The following DNAAF11 variants were observed in gnomAD, a reference collection of about 807,000 sequenced individuals.
DNAAF11 encodes dynein axonemal assembly factor 11.
DNAAF11 carries 45 observed loss-of-function variants against 60.8 expected under a neutral mutation model. That is an observed-to-expected ratio of 0.74 (90% confidence interval 0.58 to 0.95). The LOEUF (loss-of-function observed/expected upper bound fraction) is 0.95, where lower values mean the gene tolerates loss of function less well. Among genes scored for constraint, DNAAF11 ranks in the 40% least tolerant of loss-of-function variants. The probability of loss-of-function intolerance (pLI) is 0.00; values close to 1 mark genes in which losing one functional copy is unlikely to be tolerated. For missense variants in DNAAF11, 546 were observed against 546.2 expected (o/e 1.00, Z 0.00); for synonymous variants, 191 against 183.5 (o/e 1.04, Z -0.33).
At chr8:132,701,127 C>T in the DNAAF11 span, among the ~76,000 whole-genome samples, 1 of 152,102 alleles carries the variant, frequency 6.6e-6, no homozygotes, top group Non-Finnish European at 1.5e-5. Flanking sequence ...GCCTAATCAC[C>T]TTTTTTAAGG....
At chr8:132,610,373 G>A (rs951693223) in intron 9 of DNAAF11, 112 bp from the exon 10 acceptor site, 3 of 671,348 alleles carry the variant, frequency 4.5e-6, no homozygotes, top group Non-Finnish European at 7.9e-6. Flanking sequence ...ATTAAGAAAT[G>A]TGCTTAAGCT....
intron 1 of DNAAF11, among the ~76,000 whole-genome samples, chr8:132,667,001 A>G (rs938744588): frequency 6.6e-6 from 1 of 152,210 alleles, no homozygotes. Flanking sequence ...GCCATAGAAG[A>G]TTCTGTAAAT....
At chr8:132,665,194 A>C (rs1824512627) in intron 1 of DNAAF11, among the ~76,000 whole-genome samples, 1 of 152,176 alleles carries the variant, frequency 6.6e-6, no homozygotes, top group Admixed American at 6.5e-5. Flanking sequence ...GTTGTTACAC[A>C]GTGCTGCTTC....
chr8:132,577,205 A>G (rs1183385764), intron 11 of DNAAF11, among the ~76,000 whole-genome samples: 1 of 152,138 alleles, frequency 6.6e-6, no homozygotes, highest in African/African-American at 2.4e-5. Flanking sequence ...GGGTGCCAGT[A>G]TAAGGATTTG....
rs76543902 is a variant in DNAAF11, at chr8:132,583,438, T to C, written c.1226+256A>G. ...AAGCAAGCACTTGGTAAATGTTAGC[T>C]GTCATTGGTGTTGACATTACCAGTC... On this transcript the variant is annotated intron_variant, in intron 11 of 11. Coordinates refer to ENST00000620350, the MANE Select transcript of DNAAF11 (RefSeq NM_012472.6). Among the ~76,000 whole-genome samples, 2,691 of 152,276 alleles carry C rather than the reference T, an allele frequency of 0.018. 97 individuals carry two copies. Among genetic ancestry groups the C allele is most frequent in the African/African-American group, 0.061 (2,532 of 41,554 alleles).
chr8:132,658,260 C>A (rs1458980307), intron 2 of DNAAF11, among the ~76,000 whole-genome samples: 1 of 152,120 alleles, frequency 6.6e-6, no homozygotes, highest in Admixed American at 6.5e-5. Flanking sequence ...TCTAAGTAAT[C>A]CTAATGTTTG....
At chr8:132,686,326 G>T in the DNAAF11 span, among the ~76,000 whole-genome samples, 1 of 152,246 alleles carries the variant, frequency 6.6e-6, no homozygotes, top group East Asian at 1.9e-4. Context: ...GTGAGGCAGG[G>T]GAGCAGGGAG....
chr8:132,628,903 G>A (rs1820534797), intron 5 of DNAAF11, among the ~76,000 whole-genome samples: 1 of 152,118 alleles, frequency 6.6e-6, no homozygotes, highest in African/African-American at 2.4e-5. Flanking sequence ...TATTGTATGT[G>A]CCTATTACAT....
At chr8:132,589,964 T>C (rs998861001) in intron 10 of DNAAF11, among the ~76,000 whole-genome samples, 1 of 152,184 alleles carries the variant, frequency 6.6e-6, no homozygotes. Context: ...CATTAATAAA[T>C]GATTTTTACA....
chr8:132,681,590 G>GA, the DNAAF11 span, among the ~76,000 whole-genome samples: 1 of 152,032 alleles, frequency 6.6e-6, no homozygotes. Flanking sequence ...GAAAGCACTG[G>GA]AAAATTCCAG....
chr8:132,600,022 C>A (rs1333672573), intron 10 of DNAAF11, among the ~76,000 whole-genome samples: 2 of 152,150 alleles, frequency 1.3e-5, no homozygotes, highest in Non-Finnish European at 2.9e-5. Context: ...ATTTAGAAAA[C>A]CCCATCATCT....
the DNAAF11 span, among the ~76,000 whole-genome samples, chr8:132,693,278 G>A: frequency 6.6e-6 from 1 of 152,126 alleles, no homozygotes; most frequent in Non-Finnish European, 1.5e-5. Context: ...AAAAATGGAG[G>A]GAGAAAGCAT....
At chr8:132,600,094 T>C (rs1181575294) in intron 10 of DNAAF11, among the ~76,000 whole-genome samples, 1 of 152,192 alleles carries the variant, frequency 6.6e-6, no homozygotes, top group Non-Finnish European at 1.5e-5. Context: ...ACAAAATCAA[T>C]GTGCAAAAAT....
At chr8:132,647,947 C>T (rs1822573807) in intron 3 of DNAAF11, among the ~76,000 whole-genome samples, 1 of 152,148 alleles carries the variant, frequency 6.6e-6, no homozygotes, top group Non-Finnish European at 1.5e-5. Flanking sequence ...GGAGCTGGTA[C>T]CATTCCTTCT....
Position 132,661,484 on chromosome 8 carries a change from GAAGA to G in DNAAF11, c.150_153del (p.Leu51LysfsTer20). 1 of 1,612,776 alleles carries G rather than the reference GAAGA, an allele frequency of 6.2e-7. No individual in the cohort carries two copies. Among genetic ancestry groups the G allele is most frequent in the East Asian group, 2.2e-5 (1 of 44,868 alleles). On this transcript the variant is annotated frameshift_variant, in exon 2 of 12. Coordinates refer to ENST00000620350, the MANE Select transcript of DNAAF11 (RefSeq NM_012472.6). LOFTEE classifies it high-confidence loss of function. ...CCAATTTTCCCAATAAGATTATTTT[GAAGA>G]TAGAGAATTTTTAAATCCCGGCACC...
chr8:132,658,123 ACAT>A (rs2130788725), intron 2 of DNAAF11, among the ~76,000 whole-genome samples: 1 of 152,306 alleles, frequency 6.6e-6, no homozygotes, highest in Admixed American at 6.5e-5. Flanking sequence ...AATGTACAAA[ACAT>A]CATATATTTG....
chr8:132,622,931 G>A, intron 6 of DNAAF11: 1 of 355,324 alleles, frequency 2.8e-6, no homozygotes, highest in Non-Finnish European at 5.0e-6. Context: ...AAATGACCAA[G>A]ACAATTTGCC....
At chr8:132,616,028 C>G (rs918289126) in intron 7 of DNAAF11, among the ~76,000 whole-genome samples, 2 of 152,042 alleles carry the variant, frequency 1.3e-5, no homozygotes, top group Non-Finnish European at 2.9e-5. Context: ...ATTTGTAGAA[C>G]CTCATCTCAG....
chr8:132,592,436 G>A (rs568245533), intron 10 of DNAAF11, among the ~76,000 whole-genome samples: 1 of 152,308 alleles, frequency 6.6e-6, no homozygotes, highest in Non-Finnish European at 1.5e-5. Context: ...CAAGTTCCTG[G>A]AACTGTGAGT....
Sources: allele counts gnomAD v4.1 joint callset (sites outside exome capture counted in the v4.1 genomes callset), GRCh38; gene constraint gnomAD v4.1.1; transcripts MANE v1.5; gene names NCBI Gene and HGNC (gene_info 2026-07-23, HGNC 2026-07-21).